The following PACRG variants were observed in gnomAD, a reference collection of about 807,000 sequenced individuals.
PACRG encodes parkin coregulated, also known as parkin coregulated gene protein.
In PACRG, 29 loss-of-function variants were observed where a neutral mutation model predicts 29.7. The observed-to-expected ratio is 0.98, with a 90% CI of 0.73 to 1.33. The LOEUF is 1.33. Among genes scored for constraint, PACRG ranks in the 40% most tolerant of loss-of-function variants. PACRG has a pLI of 0.00. For synonymous variants in PACRG, 116 were observed against 118.7 expected (o/e 0.98, Z 0.15); for missense variants, 279 against 316.2 (o/e 0.88, Z 0.89).
intron 4 of PACRG, among the ~76,000 whole-genome samples, chr6:163,181,859 G>A (rs145715258): frequency 2.9e-3 from 436 of 152,202 alleles, no homozygotes; most frequent in African/African-American, 5.7e-3. Context: ...CGGGAGGCGC[G>A]CTCTGTCAAG....
At chr6:163,212,076 C>T (rs1781165797) in intron 4 of PACRG, among the ~76,000 whole-genome samples, 1 of 151,976 alleles carries the variant, frequency 6.6e-6, no homozygotes, top group African/African-American at 2.4e-5. Context: ...AGAAGGAGTA[C>T]AGAGCAGTGG....
intron 2 of PACRG, among the ~76,000 whole-genome samples, chr6:162,874,728 G>T (rs1395068982): frequency 6.6e-6 from 1 of 152,062 alleles, no homozygotes; most frequent in East Asian, 1.9e-4. Context: ...GCTCCTACAT[G>T]CATAGACACA....
intron 4 of PACRG, among the ~76,000 whole-genome samples, chr6:163,143,351 C>G (rs988182662): frequency 6.6e-6 from 1 of 152,184 alleles, no homozygotes; most frequent in African/African-American, 2.4e-5. Flanking sequence ...ACCATGGCTT[C>G]GTGGTTTCCA....
chr6:162,792,805 G>C (rs1037110068), intron 1 of PACRG, among the ~76,000 whole-genome samples: 1 of 152,170 alleles, frequency 6.6e-6, no homozygotes, highest in African/African-American at 2.4e-5. Flanking sequence ...GGGGCACAGT[G>C]CAATGGTTTT....
chr6:162,768,555 CTGTT>C (rs1368283697), intron 1 of PACRG, among the ~76,000 whole-genome samples: 1 of 152,006 alleles, frequency 6.6e-6, no homozygotes, highest in Non-Finnish European at 1.5e-5. Context: ...ACTTAGGTAA[CTGTT>C]AGGCTTTCTC....
intron 4 of PACRG, among the ~76,000 whole-genome samples, chr6:163,140,545 G>C (rs936860706): frequency 6.6e-6 from 1 of 152,202 alleles, no homozygotes; most frequent in African/African-American, 2.4e-5. Flanking sequence ...AAAACTACTA[G>C]CTGGGAAAGA....
intron 2 of PACRG, among the ~76,000 whole-genome samples, chr6:163,041,553 T>G (rs1318972958): frequency 6.6e-6 from 1 of 152,108 alleles, no homozygotes; most frequent in Non-Finnish European, 1.5e-5. Context: ...TCTGCCATGA[T>G]TGCTAGTTTC....
At position 162,887,111 on chromosome 6, in the gene PACRG, G is replaced by A. The variant is rs144243570; in HGVS notation, c.291+72830G>A. On this transcript the variant is annotated intron_variant, in intron 2 of 4. Coordinates refer to ENST00000366888, the MANE Select transcript of PACRG (RefSeq NM_001080379.2). ...TTCAGTAGAGACGGGGTTTCACCATGTCTGTCTTGACCATGAGGCCTCACC... is the reference window on the plus strand; with the variant it reads ...TTCAGTAGAGACGGGGTTTCACCATATCTGTCTTGACCATGAGGCCTCACC... Among the ~76,000 whole-genome samples the A allele has an allele frequency of 1.4e-3, 212 of 152,236 alleles. 2 individuals carry two copies. Among genetic ancestry groups the A allele is most frequent in the African/African-American group, 4.6e-3 (192 of 41,546 alleles).
intron 3 of PACRG, among the ~76,000 whole-genome samples, chr6:163,066,451 T>A (rs1363981006): frequency 1.3e-5 from 2 of 152,146 alleles, no homozygotes; most frequent in Admixed American, 1.3e-4. Context: ...CAGTGTAGTG[T>A]GAAAAGCAGT....
intron 2 of PACRG, among the ~76,000 whole-genome samples, chr6:162,883,737 C>T (rs997100274): frequency 6.8e-6 from 1 of 146,390 alleles, no homozygotes; most frequent in African/African-American, 2.5e-5. Flanking sequence ...TATCTGCATA[C>T]ACACATACAG....
intron 4 of PACRG, among the ~76,000 whole-genome samples, chr6:163,115,834 G>C (rs980831110): frequency 6.6e-6 from 1 of 152,164 alleles, no homozygotes; most frequent in Non-Finnish European, 1.5e-5. Flanking sequence ...GTCAGTTTCA[G>C]CTCTTCACCT....
intron 1 of PACRG, among the ~76,000 whole-genome samples, chr6:162,772,767 A>G (rs919636287): frequency 6.6e-6 from 1 of 152,214 alleles, no homozygotes; most frequent in Non-Finnish European, 1.5e-5. Flanking sequence ...AAGGAAAGGA[A>G]CCAGGGGTAT....
At chr6:163,195,731 T>C (rs2128364099) in intron 4 of PACRG, among the ~76,000 whole-genome samples, 1 of 152,184 alleles carries the variant, frequency 6.6e-6, no homozygotes, top group Non-Finnish European at 1.5e-5. Flanking sequence ...TGCCGGGAAA[T>C]GGAGATTCTG....
intron 4 of PACRG, chr6:163,310,434 C>T (rs1163538703): frequency 6.6e-6 from 1 of 152,150 alleles, no homozygotes; most frequent in African/African-American, 2.4e-5. Context: ...GGCAAGCTCC[C>T]GGGGGTCTTT....
intron 4 of PACRG, among the ~76,000 whole-genome samples, chr6:163,216,389 A>G (rs2128157228): frequency 1.3e-5 from 2 of 152,342 alleles, no homozygotes; most frequent in Middle Eastern, 6.8e-3. Flanking sequence ...GATGGGCAGA[A>G]GACAGTAATG....
At chr6:162,783,603 CTA>C (rs1342230411) in intron 1 of PACRG, among the ~76,000 whole-genome samples, 1 of 151,946 alleles carries the variant, frequency 6.6e-6, no homozygotes, top group Admixed American at 6.6e-5. Context: ...AACCAAATCT[CTA>C]TGTGGAAAGC....
At chr6:163,189,236 G>A (rs1043670066) in intron 4 of PACRG, among the ~76,000 whole-genome samples, 4 of 152,212 alleles carry the variant, frequency 2.6e-5, no homozygotes, top group Non-Finnish European at 5.9e-5. Flanking sequence ...GCATGAGATG[G>A]ACATAAGGGA....
chr6:163,195,277 A>T (rs145312756), intron 4 of PACRG, among the ~76,000 whole-genome samples: 1 of 152,154 alleles, frequency 6.6e-6, no homozygotes, highest in Non-Finnish European at 1.5e-5. Flanking sequence ...CTAATTGTTT[A>T]TTTCATTTAT....
At chr6:162,756,489 A>C (rs1781933900) in intron 1 of PACRG, among the ~76,000 whole-genome samples, 1 of 152,070 alleles carries the variant, frequency 6.6e-6, no homozygotes, top group South Asian at 2.1e-4. Flanking sequence ...TTATATTTGC[A>C]TGAAATATCT....
Sources: allele counts gnomAD v4.1 joint callset (sites outside exome capture counted in the v4.1 genomes callset), GRCh38; gene constraint gnomAD v4.1.1; transcripts MANE v1.5; gene names NCBI Gene and HGNC (gene_info 2026-07-23, HGNC 2026-07-21).